BEAN1: variants seen among roughly 807,000 people sequenced by gnomAD.
BEAN1 encodes the protein brain expressed associated with NEDD4 1.
Under a neutral mutation model 17.7 loss-of-function variants are expected in BEAN1, and 17 were observed. The observed-to-expected ratio is 0.96, with a 90% CI of 0.66 to 1.44. The LOEUF (loss-of-function observed/expected upper bound fraction) is 1.44, where lower values mean the gene tolerates loss of function less well. BEAN1 is among the 40% of genes most tolerant of loss of function. BEAN1 has a pLI of 0.00. For missense variants in BEAN1, 359 were observed against 374.1 expected, an observed-to-expected ratio of 0.96 and a Z score of 0.33; for synonymous variants, 142 against 151.8, an observed-to-expected ratio of 0.94 and a Z score of 0.47.
intron 2 of BEAN1, among the ~76,000 whole-genome samples, chr16:66,465,680 A>G (rs1963236847): frequency 6.6e-6 from 1 of 152,238 alleles, no homozygotes; most frequent in African/African-American, 2.4e-5. Flanking sequence ...AATTTTTGGT[A>G]GAATTCTCCA....
Position 66,433,253 on chromosome 16 carries a change from C to T in BEAN1, c.-82-4342C>T, listed in dbSNP as rs1250808757. On this transcript the variant is annotated intron_variant, in intron 1 of 4. Transcript: ENST00000536005. Reference sequence around the variant, plus strand: ...CTTCCTGAGTAGCTGGGACTACAGGCGCACACCACCACACTCAGCTAATTT... The same window carrying T: ...CTTCCTGAGTAGCTGGGACTACAGGTGCACACCACCACACTCAGCTAATTT... Among the ~76,000 whole-genome samples the T allele has an allele frequency of 4.6e-5, 7 of 152,050 alleles. No homozygotes were observed. The South Asian group carries it at 6.2e-4, about 14-fold the overall frequency.
At chr16:66,475,893 GAGGTCAGGAGATTGAGGCCATCC>G (rs1478638504) in intron 3 of BEAN1, 1 of 152,132 alleles carries the variant, frequency 6.6e-6, no homozygotes, top group Non-Finnish European at 1.5e-5. Flanking sequence ...GGCAGATCAC[GAGGTCAGGAGATTGAGGCCATCC>G]TGGCTAACAC....
intron 4 of BEAN1, chr16:66,479,224 A>T (rs1597048131): frequency 6.6e-6 from 1 of 152,128 alleles, no homozygotes; most frequent in African/African-American, 2.4e-5. Context: ...GGACACAGGC[A>T]CCTCCCCCAT....
chr16:66,468,529 G>A (rs1963343712), intron 2 of BEAN1, among the ~76,000 whole-genome samples: 1 of 152,332 alleles, frequency 6.6e-6, no homozygotes, highest in Admixed American at 6.5e-5. Flanking sequence ...GAGGCACTGA[G>A]GGCAAGAGAG....
intron 2 of BEAN1, 179 bp downstream of exon 2, chr16:66,437,880 AT>A: frequency 1.3e-6 from 1 of 794,466 alleles, no homozygotes; most frequent in Non-Finnish European, 2.1e-6. Context: ...CGTCTGCAAG[AT>A]GCTCCCTGAG....
In BEAN1 at chr16:66,480,790, C is replaced by A; in HGVS notation, c.645C>A (p.Pro215=). ...LHTVSMDTLP[P]YEAVCGAGPP... Reference sequence around the variant, plus strand: ...CGGTCTCCATGGACACCCTTCCCCCCTACGAGGCTGTGTGCGGGGCTGGCC... The same window carrying A: ...CGGTCTCCATGGACACCCTTCCCCCATACGAGGCTGTGTGCGGGGCTGGCC... The change falls in exon 5 of 5, where the codon CCC becomes CCA. Residue 215 remains proline, a synonymous_variant. Coordinates refer to ENST00000536005, the MANE Select transcript of BEAN1 (RefSeq NM_001178020.3). The A allele has an allele frequency of 6.5e-7, 1 of 1,549,960 alleles. No individual in the cohort carries two copies. The highest frequency in any genetic ancestry group is 1.7e-4 in the Middle Eastern group (1 of 5,980).
At position 66,437,702 on chromosome 16, in the gene BEAN1, G is replaced by A; in HGVS notation, c.25+1G>A. 3 of 1,535,792 alleles carry A rather than the reference G, an allele frequency of 2.0e-6. No homozygotes were observed. Among genetic ancestry groups the A allele is most frequent in the Non-Finnish European group, 2.6e-6 (3 of 1,146,614 alleles). On this transcript the variant is annotated splice_donor_variant, in intron 2 of 4. Transcript: ENST00000536005. LOFTEE classifies it high-confidence loss of function. ...ATGTCCTTCAAACGTCCCTGCCCCT[G>A]TAAGTTTCCTCCCCACATCCTTCCA... is the stretch of plus-strand genomic sequence containing the variant.
At chr16:66,476,703 C>T (rs1963763090) in intron 3 of BEAN1, among the ~76,000 whole-genome samples, 2 of 152,198 alleles carry the variant, frequency 1.3e-5, no homozygotes, top group Admixed American at 6.5e-5. Context: ...AGCAAGTCAC[C>T]GGGCCTCCCA....
chr16:66,438,587 T>C (rs1962124687), intron 2 of BEAN1, among the ~76,000 whole-genome samples: 1 of 152,134 alleles, frequency 6.6e-6, no homozygotes, highest in African/African-American at 2.4e-5. Flanking sequence ...CGGAAGCCTG[T>C]AGATGATCTT....
intron 2 of BEAN1, among the ~76,000 whole-genome samples, chr16:66,445,567 G>A (rs1394975011): frequency 6.7e-6 from 1 of 149,312 alleles, no homozygotes; most frequent in Non-Finnish European, 1.5e-5. Flanking sequence ...GGTAACACTG[G>A]AACAGAAGTT....
chr16:66,431,292 C>T (rs1414299213), intron 1 of BEAN1, among the ~76,000 whole-genome samples: 1 of 152,138 alleles, frequency 6.6e-6, no homozygotes, highest in Non-Finnish European at 1.5e-5. Flanking sequence ...CTCTTGACAA[C>T]AAACAAACAA....
At chr16:66,478,330 G>A (rs777097833) in intron 4 of BEAN1, among the ~76,000 whole-genome samples, 3 of 152,220 alleles carry the variant, frequency 2.0e-5, no homozygotes, top group Admixed American at 6.5e-5. Context: ...CCAGCCGGGC[G>A]TGGGGGCTCA....
chr16:66,471,816 C>T lies in BEAN1; in HGVS notation c.289+1951C>T, dbSNP rs563117848. On this transcript the variant is annotated intron_variant, in intron 3 of 4. Coordinates refer to ENST00000536005, the MANE Select transcript of BEAN1 (RefSeq NM_001178020.3). This position sits in a 1 kb window ranked among gnomAD's most constrained non-coding sequence, Gnocchi z 4.7. ...TCCCCAAGGAGACAAGCCAGAAGCA[C>T]TCCCAGGCCAGGACGGGCCTGTCCC... Among the ~76,000 whole-genome samples, 88 of 152,344 alleles carry T rather than the reference C, an allele frequency of 5.8e-4. No homozygotes were observed. The highest frequency in any genetic ancestry group is 2.0e-3 in the African/African-American group (85 of 41,590).
intron 4 of BEAN1, among the ~76,000 whole-genome samples, chr16:66,491,081 T>C (rs1964170483): frequency 6.6e-6 from 1 of 152,176 alleles, no homozygotes; most frequent in Non-Finnish European, 1.5e-5. Flanking sequence ...GAAGCTGCTC[T>C]GGGTGAGACC....
chr16:66,481,718 C>G lies in BEAN1; in HGVS notation c.*793C>G, dbSNP rs1043451930. On this transcript the variant is annotated 3_prime_UTR_variant, in exon 5 of 5. Transcript: ENST00000536005. The surrounding 1 kb of genome is among the most constrained non-coding windows in gnomAD (Gnocchi z 4.1). ...GCGGCGGTTCCCTCATCAGTCCAGCCACTGCCCAGGACTAAGGGTCTTCAA... is the reference window on the plus strand; with the variant it reads ...GCGGCGGTTCCCTCATCAGTCCAGCGACTGCCCAGGACTAAGGGTCTTCAA... 1 of 154,724 alleles carries G rather than the reference C, an allele frequency of 6.5e-6. No individual in the cohort carries two copies. The highest frequency in any genetic ancestry group is 1.4e-5 in the Non-Finnish European group (1 of 69,868). The allele number at this position is 154,724 out of a possible 1,614,324, so 9.6% of individuals were successfully genotyped here. A position where few individuals can be genotyped will look rare whatever the true frequency, so the allele number is the denominator to read the frequency against.
intron 1 of BEAN1, among the ~76,000 whole-genome samples, chr16:66,436,000 C>G (rs997262869): frequency 1.3e-5 from 2 of 152,118 alleles, no homozygotes; most frequent in Non-Finnish European, 2.9e-5. Flanking sequence ...TATATACCCC[C>G]TCATGACCCC....
Position 66,481,056 on chromosome 16 carries a change from A to AAC in BEAN1, c.*131_*132insAC. Reference sequence around the variant, plus strand: ...ACACACATAGACCAAACTTGTATACACACAGACATCTACACTGACATACCC... The same window carrying AAC: ...ACACACATAGACCAAACTTGTATACAACCACAGACATCTACACTGACATACCC... On this transcript the variant is annotated 3_prime_UTR_variant, in exon 5 of 5. Transcript: ENST00000536005. This position sits in a 1 kb window ranked among gnomAD's most constrained non-coding sequence, Gnocchi z 4.1. The AAC allele has an allele frequency of 1.6e-5, 10 of 631,540 alleles. No individual in the cohort carries two copies. The highest frequency in any genetic ancestry group is 4.1e-5 in the South Asian group (1 of 24,532). The allele number at this position is 631,540 out of a possible 1,614,324, so 39.1% of individuals were successfully genotyped here.
intron 1 of BEAN1, among the ~76,000 whole-genome samples, chr16:66,431,528 T>C (rs371128827): frequency 1.3e-5 from 2 of 152,190 alleles, no homozygotes; most frequent in East Asian, 1.9e-4. Context: ...GCACAATGAC[T>C]GTGAACACAT....
At chr16:66,451,639 G>A (rs7404200) in intron 2 of BEAN1, among the ~76,000 whole-genome samples, 18,899 of 152,220 alleles carry the variant, frequency 0.12, 1,336 homozygotes, top group South Asian at 0.26. Flanking sequence ...CACCTATTAT[G>A]AGCCAGGCAT....
Sources: allele counts gnomAD v4.1 joint callset (sites outside exome capture counted in the v4.1 genomes callset), GRCh38; gene constraint gnomAD v4.1.1; non-coding constraint Gnocchi (gnomAD v3.1); transcripts MANE v1.5; gene names NCBI Gene and HGNC (gene_info 2026-07-23, HGNC 2026-07-21).